The following ATP13A4 variants were observed in gnomAD, a reference collection of about 807,000 sequenced individuals.
ATP13A4 encodes ATPase 13A4, also known as probable cation-transporting ATPase 13A4.
In ATP13A4, 114 loss-of-function variants were observed where a neutral mutation model predicts 142.5. That is an observed-to-expected ratio of 0.80 (90% confidence interval 0.69 to 0.93). ATP13A4 has a LOEUF of 0.93. Among genes scored for constraint, ATP13A4 ranks in the 40% least tolerant of loss-of-function variants. The pLI, the probability that ATP13A4 is intolerant of heterozygous loss-of-function variation, is 0.00. For synonymous variants in ATP13A4, 488 were observed against 514.8 expected, an observed-to-expected ratio of 0.95 and a Z score of 0.70; for missense variants, 1,392 against 1,454.0, an observed-to-expected ratio of 0.96 and a Z score of 0.69.
rs1219486636 is a variant in ATP13A4, at chr3:193,414,431, GAAAT to G, written c.3014+144_3014+147del. ...TAGCATTAAATCATGCTACAGAGAA[GAAAT>G]AATCACTGAAAATTTGCCCAAGGGA... On this transcript the variant is annotated intron_variant, in intron 26 of 29. Coordinates refer to ENST00000342695, the MANE Select transcript of ATP13A4 (RefSeq NM_032279.4). 1.4e-5 allele frequency: 11 copies of G among 765,776 alleles called. No homozygotes were observed. In the East Asian group the frequency reaches 2.7e-4, roughly 19 times the overall value. The allele number at this position is 765,776 out of a possible 1,614,324, so 47.4% of individuals were successfully genotyped here.
At position 193,551,896 on chromosome 3, in the gene ATP13A4, T is replaced by C. The variant is rs1723594484; in HGVS notation, c.60+2844A>G. Among the ~76,000 whole-genome samples, 5 of 152,232 alleles carry C rather than the reference T, an allele frequency of 3.3e-5. No homozygotes were observed. In the South Asian group the frequency reaches 1.0e-3, roughly 32 times the overall value. ...TCCTGTCTCATTTCGCAGTTAAAGA[T>C]ATTATTTTCAGGTCACCTAGGGTTG... On this transcript the variant is annotated intron_variant, in intron 1 of 29. Transcript: ENST00000342695.
chr3:193,399,297 C>T lies in ATP13A4; in HGVS notation c.*3355G>A, dbSNP rs748466941. Among the ~76,000 whole-genome samples the T allele has an allele frequency of 3.3e-4, 50 of 152,176 alleles. No individual in the cohort carries two copies. Among genetic ancestry groups the T allele is most frequent in the Admixed American group, 2.0e-3 (30 of 15,280 alleles). On this transcript the variant is annotated 3_prime_UTR_variant, in exon 30 of 30. Coordinates refer to ENST00000342695, the MANE Select transcript of ATP13A4 (RefSeq NM_032279.4). ...CCCTCAAGTTTAGGGCACTCTCCCA[C>T]GCTCTTTCATGCAAAGTTTTTTAAC...
rs567610627 is a variant in ATP13A4, at chr3:193,401,968, T to C, written c.*684A>G. On this transcript the variant is annotated 3_prime_UTR_variant, in exon 30 of 30. Coordinates refer to ENST00000342695, the MANE Select transcript of ATP13A4 (RefSeq NM_032279.4). ...CCCATCACAGTCAACACACAGTCCTTGCATCGAGCTGATGGAGCCATCAGG... is the reference window on the plus strand; with the variant it reads ...CCCATCACAGTCAACACACAGTCCTCGCATCGAGCTGATGGAGCCATCAGG... The C allele has an allele frequency of 6.5e-6, 1 of 152,722 alleles. No homozygotes were observed. Among genetic ancestry groups the C allele is most frequent in the South Asian group, 2.1e-4 (1 of 4,820 alleles). 9.5% of individuals were successfully genotyped at this position (152,722 alleles called of 1,614,324 possible). A position where few individuals can be genotyped will look rare whatever the true frequency, so the allele number is the denominator to read the frequency against.
intron 9 of ATP13A4, among the ~76,000 whole-genome samples, 171 bp downstream of exon 9, chr3:193,470,688 T>A (rs112002556): frequency 2.6e-4 from 40 of 152,272 alleles, no homozygotes; most frequent in African/African-American, 8.9e-4. Context: ...AACCCTCAGA[T>A]CCATTCGCAG....
rs1443809232 is a variant in ATP13A4 at position 193,401,241 on chromosome 3, T to G, written c.*1411A>C. On this transcript the variant is annotated 3_prime_UTR_variant, in exon 30 of 30. Transcript: ENST00000342695. ...AAATTTTGCTTTTGCCTTAAAATAT[T>G]ATATGTAGGTGTGCTCCTAGAGTTC... is the stretch of plus-strand genomic sequence containing the variant. Among the ~76,000 whole-genome samples, 2 of 152,168 alleles carry G rather than the reference T, an allele frequency of 1.3e-5. No individual in the cohort carries two copies. The highest frequency in any genetic ancestry group is 4.8e-5 in the African/African-American group (2 of 41,442).
At chr3:193,572,061 C>T (rs915561013) in intron 2 of ATP13A4, among the ~76,000 whole-genome samples, 2 of 152,104 alleles carry the variant, frequency 1.3e-5, no homozygotes, top group Non-Finnish European at 2.9e-5. Context: ...GCCTCAGCAA[C>T]ATGGCAAAAC....
intron 1 of ATP13A4, among the ~76,000 whole-genome samples, chr3:193,588,184 CA>C (rs2108749892): frequency 6.6e-6 from 1 of 152,236 alleles, no homozygotes; most frequent in South Asian, 2.1e-4. Context: ...TAATCATTAA[CA>C]AACAATTTCA....
chr3:193,543,722 C>T (rs890420492), intron 1 of ATP13A4, among the ~76,000 whole-genome samples: 1 of 152,176 alleles, frequency 6.6e-6, no homozygotes, highest in African/African-American at 2.4e-5. Context: ...TTTTCTTGAA[C>T]TCATCAGATA....
intron 1 of ATP13A4, among the ~76,000 whole-genome samples, chr3:193,544,236 C>T (rs559314363): frequency 2.4e-4 from 37 of 152,186 alleles, no homozygotes; most frequent in Admixed American, 2.1e-3. Context: ...CAATTGAAGC[C>T]GGATGAAGGA....
Position 193,457,038 on chromosome 3 carries a change from G to A in ATP13A4, c.1877C>T (p.Ala626Val). Reference sequence around the variant, plus strand: ...GCAAAAGCTGGCCACCCTCTCTGGTGCACCTTTCATGAATGCCAGTCGGTC... The same window carrying A: ...GCAAAAGCTGGCCACCCTCTCTGGTACACCTTTCATGAATGCCAGTCGGTC... ...GGDRLAFMKG[A>V]PERVASFCQP... Residue 626 changes from alanine to valine, a missense_variant, in exon 16 of 30, where the codon GCA becomes GTA. Coordinates refer to ENST00000342695, the MANE Select transcript of ATP13A4 (RefSeq NM_032279.4). The A allele has an allele frequency of 6.2e-7, 1 of 1,614,126 alleles. No homozygotes were observed. The highest frequency in any genetic ancestry group is 8.5e-7 in the Non-Finnish European group (1 of 1,180,014).
At chr3:193,542,975 C>T (rs933530224) in intron 1 of ATP13A4, among the ~76,000 whole-genome samples, 1 of 152,094 alleles carries the variant, frequency 6.6e-6, no homozygotes, top group Non-Finnish European at 1.5e-5. Flanking sequence ...ACCATCCTGG[C>T]TAACATGGTG....
chr3:193,508,752 C>T (rs570733430), intron 2 of ATP13A4, among the ~76,000 whole-genome samples: 12 of 152,142 alleles, frequency 7.9e-5, no homozygotes, highest in African/African-American at 2.9e-4. Context: ...GGAATGTGTA[C>T]CTGAAAGAAA....
chr3:193,438,555 T>C lies in ATP13A4; in HGVS notation c.2592A>G (p.Ser864=), dbSNP rs767551761. ...GALKMAHVGI[S]LSEQEASVAS... is the part of the protein sequence containing the mutation. ...CCACAGATGCCTCCTGCTCTGATAATGAGATGCCCACATGAGCCATTTTCA... is the reference window on the plus strand; with the variant it reads ...CCACAGATGCCTCCTGCTCTGATAACGAGATGCCCACATGAGCCATTTTCA... Residue 864 remains serine, a synonymous_variant, in exon 23 of 30, where the codon TCA becomes TCG. Transcript: ENST00000342695. 2 of 1,614,158 alleles carry C rather than the reference T, an allele frequency of 1.2e-6. No individual in the cohort carries two copies. Among genetic ancestry groups the C allele is most frequent in the South Asian group, 1.1e-5 (1 of 91,080 alleles).
intron 3 of ATP13A4, among the ~76,000 whole-genome samples, chr3:193,496,779 C>T (rs965984784): frequency 2.0e-5 from 3 of 150,562 alleles, no homozygotes; most frequent in African/African-American, 4.9e-5. Flanking sequence ...AGACAGGGCA[C>T]GACTCTGTCT....
intron 2 of ATP13A4, among the ~76,000 whole-genome samples, chr3:193,568,028 C>T (rs965901994): frequency 6.6e-6 from 1 of 151,994 alleles, no homozygotes. Flanking sequence ...GGCGCAGTCT[C>T]GGCTCACTGC....
At chr3:193,470,102 A>C (rs897285536) in intron 9 of ATP13A4, among the ~76,000 whole-genome samples, 1 of 152,194 alleles carries the variant, frequency 6.6e-6, no homozygotes, top group Admixed American at 6.5e-5. Flanking sequence ...TACACCAATA[A>C]GAGTGCGTTC....
At chr3:193,573,263 A>ATATATATATATATATATATATATATG (rs1560287198) in intron 2 of ATP13A4, among the ~76,000 whole-genome samples, 1 of 105,268 alleles carries the variant, frequency 9.5e-6, no homozygotes, top group African/African-American at 4.6e-5. Context: ...CCACAGCCAT[A>ATATATATATATATATATATATATATG]TATATATATA....
intron 23 of ATP13A4, 66 bp downstream of exon 23, chr3:193,438,409 A>G: frequency 7.5e-7 from 1 of 1,335,660 alleles, no homozygotes; most frequent in South Asian, 1.2e-5. Flanking sequence ...TTTCCCAGGC[A>G]GAACAATGTG....
chr3:193,456,912 G>A, intron 16 of ATP13A4, 88 bp downstream of exon 16: 1 of 1,489,412 alleles, frequency 6.7e-7, no homozygotes, highest in South Asian at 1.2e-5. Flanking sequence ...TGACCCATAG[G>A]CGATTGAATT....
Sources: allele counts gnomAD v4.1 joint callset (sites outside exome capture counted in the v4.1 genomes callset), GRCh38; gene constraint gnomAD v4.1.1; transcripts MANE v1.5; gene names NCBI Gene and HGNC (gene_info 2026-07-23, HGNC 2026-07-21).